LIN54: variants seen among roughly 807,000 people sequenced by gnomAD.
The protein encoded by LIN54 is protein lin-54 homolog.
A neutral mutation model predicts 78.7 loss-of-function variants in LIN54; 9 were observed. The ratio of observed to expected loss-of-function variants is 0.11; its 90% confidence interval spans 0.07 to 0.20. The LOEUF (loss-of-function observed/expected upper bound fraction) is 0.20. LIN54 is among the 10% of genes least tolerant of loss of function. LIN54 has a pLI of 1.00. For synonymous variants in LIN54, 269 were observed against 318.4 expected (o/e 0.84, Z 1.65); for missense variants, 573 against 889.9 (o/e 0.64, Z 4.53).
intron 9 of LIN54, among the ~76,000 whole-genome samples, chr4:82,936,632 CAA>C (rs1722412600): frequency 6.6e-6 from 1 of 152,112 alleles, no homozygotes; most frequent in Non-Finnish European, 1.5e-5. Context: ...AGCTGTCACA[CAA>C]GAGCTGTCAC....
At chr4:82,973,026 T>C (rs1369855399) in intron 3 of LIN54, among the ~76,000 whole-genome samples, 1 of 150,782 alleles carries the variant, frequency 6.6e-6, no homozygotes, top group East Asian at 1.9e-4. Flanking sequence ...AAAAGGCAAC[T>C]TGATGTTAAT....
At chr4:82,961,340 G>A (rs1724776900) in intron 4 of LIN54, among the ~76,000 whole-genome samples, 1 of 152,152 alleles carries the variant, frequency 6.6e-6, no homozygotes, top group Non-Finnish European at 1.5e-5. Flanking sequence ...AGGAGTTCAA[G>A]AAGATATATT....
chr4:82,952,262 C>A (rs1449086387), intron 4 of LIN54, among the ~76,000 whole-genome samples: 1 of 152,068 alleles, frequency 6.6e-6, no homozygotes, highest in African/African-American at 2.4e-5. Context: ...ACAGAGAACT[C>A]CTAAACGTAA....
chr4:83,006,740 A>C (rs977693835), intron 1 of LIN54, among the ~76,000 whole-genome samples: 3 of 152,230 alleles, frequency 2.0e-5, no homozygotes, highest in African/African-American at 7.2e-5. Context: ...CATTCTATTT[A>C]GGTGAGCTTC....
chr4:82,933,500 G>A (rs1235673481), intron 11 of LIN54, among the ~76,000 whole-genome samples: 1 of 152,112 alleles, frequency 6.6e-6, no homozygotes, highest in Non-Finnish European at 1.5e-5. Flanking sequence ...ACACATGAAT[G>A]TGTTGTCCAG....
intron 1 of LIN54, among the ~76,000 whole-genome samples, chr4:83,007,331 A>G (rs1729486843): frequency 1.3e-5 from 2 of 152,254 alleles, no homozygotes; most frequent in Middle Eastern, 3.4e-3. Flanking sequence ...AAAAATAAAA[A>G]AGGGAACTTT....
At chr4:82,996,296 TA>T (rs1184108440) in intron 1 of LIN54, among the ~76,000 whole-genome samples, 1 of 152,068 alleles carries the variant, frequency 6.6e-6, no homozygotes, top group African/African-American at 2.4e-5. Context: ...CTTCATAGGC[TA>T]AAAGAGCTGA....
intron 1 of LIN54, among the ~76,000 whole-genome samples, chr4:82,995,407 A>G (rs1000665789): frequency 4.6e-5 from 7 of 151,330 alleles, no homozygotes; most frequent in African/African-American, 1.7e-4. Context: ...TGTAATAGAC[A>G]GAGACTATTC....
Position 82,970,412 on chromosome 4 carries a change from T to C in LIN54, c.866A>G (p.Glu289Gly), listed in dbSNP as rs746895986. ...TAAAGTTGATCCAATAACACCACTT[T>C]CAGATATTGTTATGGTCTTTGATGG... ...GTPSKTITIS[E>G]SGVIGSTLNS... The change falls in exon 4 of 13, where the codon GAA becomes GGA. Residue 289 changes from glutamate to glycine, a missense_variant. Glu to Gly is a moderately conservative substitution (Grantham distance 98). Transcript: ENST00000340417. The C allele has an allele frequency of 6.2e-7, 1 of 1,613,010 alleles. No homozygotes were observed. Among genetic ancestry groups the C allele is most frequent in the Non-Finnish European group, 8.5e-7 (1 of 1,179,122 alleles).
rs767341874 is a variant in LIN54, at chr4:82,984,678, G to A, written c.167C>T (p.Ser56Phe). 5 of 1,614,048 alleles carry A rather than the reference G, an allele frequency of 3.1e-6. No homozygotes were observed. The highest frequency in any genetic ancestry group is 3.4e-6 in the Non-Finnish European group (4 of 1,180,044). Reference protein sequence around the residue: ...EIVNINSTGDSTATPISTEPI... With the variant: ...EIVNINSTGDFTATPISTEPI... ...TTCCGTGGAAATGGGCGTGGCTGTA[G>A]AGTCACCAGTAGAATTTATGTTGAC... The change falls in exon 2 of 13, where the codon TCT becomes TTT. Residue 56 changes from serine to phenylalanine, a missense_variant. Around this residue, in one of 6 missense-constraint regions of LIN54, gnomAD observed 183 missense variants for 228.4 expected, o/e 0.80. Transcript: ENST00000340417.
intron 1 of LIN54, among the ~76,000 whole-genome samples, chr4:82,992,115 TA>T (rs1417103780): frequency 6.6e-6 from 1 of 152,214 alleles, no homozygotes; most frequent in Admixed American, 6.5e-5. Context: ...TTTTTAACTA[TA>T]AATTCATTTC....
intron 3 of LIN54, among the ~76,000 whole-genome samples, chr4:82,977,884 T>C (rs1402999810): frequency 6.6e-6 from 1 of 152,206 alleles, no homozygotes; most frequent in Non-Finnish European, 1.5e-5. Flanking sequence ...CTTGGCTGTG[T>C]GCTTTTCTCT....
chr4:82,986,229 C>A (rs954787178), intron 1 of LIN54, among the ~76,000 whole-genome samples: 4 of 152,042 alleles, frequency 2.6e-5, no homozygotes, highest in Non-Finnish European at 4.4e-5. Context: ...GATTCTCCTG[C>A]CTCAGCCTCC....
chr4:82,984,857 G>T lies in LIN54; in HGVS notation c.-13C>A, dbSNP rs772910874. The T allele has an allele frequency of 1.9e-6, 3 of 1,592,260 alleles. No individual in the cohort carries two copies. The highest frequency in any genetic ancestry group is 1.7e-6 in the Non-Finnish European group (2 of 1,169,408). ...GCACCACCTCCATGATCGTTCTCCC[G>T]CTAGAAAGTTGATCAGGCACTGTAA... On this transcript the variant is annotated 5_prime_UTR_variant, in exon 2 of 13. Coordinates refer to ENST00000340417, the MANE Select transcript of LIN54 (RefSeq NM_194282.4).
chr4:82,990,847 T>C (rs1399879735), intron 1 of LIN54, among the ~76,000 whole-genome samples: 1 of 152,124 alleles, frequency 6.6e-6, no homozygotes, highest in Non-Finnish European at 1.5e-5. Context: ...GGAGATATTA[T>C]CTTTATTATA....
chr4:82,970,526 T>A, intron 3 of LIN54, 57 bp from the exon 4 acceptor site: 1 of 1,464,858 alleles, frequency 6.8e-7, no homozygotes, highest in Middle Eastern at 1.8e-4. Flanking sequence ...TATAAAAATT[T>A]ATGTGATGAT....
chr4:82,954,440 C>T (rs912182667), intron 4 of LIN54, among the ~76,000 whole-genome samples: 7 of 67,344 alleles, frequency 1.0e-4, no homozygotes, highest in Non-Finnish European at 2.5e-4. Flanking sequence ...ATTTTTAAGA[C>T]GGAGTCTCAC....
rs1367645420 is a variant in LIN54, at chr4:83,010,704, G to T, written c.-253C>A. Reference sequence around the variant, plus strand: ...TCGCCGTCGCCGCCGCCTCTGGTATGTCAGGGGCCGGGATTGTATTTCGAA... The same window carrying T: ...TCGCCGTCGCCGCCGCCTCTGGTATTTCAGGGGCCGGGATTGTATTTCGAA... On this transcript the variant is annotated 5_prime_UTR_variant, in exon 1 of 13. Coordinates refer to ENST00000340417, the MANE Select transcript of LIN54 (RefSeq NM_194282.4). 1 of 1,205,000 alleles carries T rather than the reference G, an allele frequency of 8.3e-7. No homozygotes were observed. Among genetic ancestry groups the T allele is most frequent in the African/African-American group, 1.6e-5 (1 of 63,322 alleles). 74.6% of individuals were successfully genotyped at this position (1,205,000 alleles called of 1,614,324 possible). A position where few individuals can be genotyped will look rare whatever the true frequency, so the allele number is the denominator to read the frequency against.
intron 3 of LIN54, among the ~76,000 whole-genome samples, chr4:82,975,874 A>T (rs971406940): frequency 1.3e-4 from 20 of 152,178 alleles, no homozygotes; most frequent in Non-Finnish European, 8.8e-5. Context: ...AGTTTAAGAT[A>T]AGTACTTGGT....
Sources: allele counts gnomAD v4.1 joint callset (sites outside exome capture counted in the v4.1 genomes callset), GRCh38; gene constraint gnomAD v4.1.1; regional missense constraint gnomAD v4.1.1; transcripts MANE v1.5; gene names NCBI Gene and HGNC (gene_info 2026-07-23, HGNC 2026-07-21).